Variants in SH3RF1 observed in about 807,000 individuals in gnomAD.
The protein encoded by SH3RF1 is SH3 domain containing ring finger 1.
In SH3RF1, 32 loss-of-function variants were observed where a neutral mutation model predicts 74.0. The ratio of observed to expected loss-of-function variants is 0.43; its 90% CI spans 0.33 to 0.58. The LOEUF (loss-of-function observed/expected upper bound fraction) is 0.58. SH3RF1 is among the 20% of genes least tolerant of loss of function. SH3RF1 has a pLI of 0.05. For synonymous variants in SH3RF1, 396 were observed against 439.6 expected, an observed-to-expected ratio of 0.90 and a Z score of 1.24; for missense variants, 954 against 1,130.9, an observed-to-expected ratio of 0.84 and a Z score of 2.24.
chr4:169,191,298 CA>C (rs35344441), intron 2 of SH3RF1, among the ~76,000 whole-genome samples: 377 of 113,224 alleles, frequency 3.3e-3, no homozygotes, highest in African/African-American at 0.011. Context: ...ACAATAGCTG[CA>C]AAAAAAAAAA....
At chr4:169,130,009 C>G (rs1315980290) in intron 6 of SH3RF1, 37 bp downstream of exon 6, 5 of 1,559,288 alleles carry the variant, frequency 3.2e-6, no homozygotes, top group Non-Finnish European at 4.4e-6. Flanking sequence ...GACTAAAGAC[C>G]TAAAAGAGAA....
chr4:169,248,994 G>A (rs966847534), intron 2 of SH3RF1, among the ~76,000 whole-genome samples: 3 of 152,218 alleles, frequency 2.0e-5, no homozygotes, highest in East Asian at 1.9e-4. Flanking sequence ...TTGGGAGGCC[G>A]AGGTGGGCAG....
At chr4:169,207,557 A>G (rs1579138223) in intron 2 of SH3RF1, among the ~76,000 whole-genome samples, 4 of 152,362 alleles carry the variant, frequency 2.6e-5, no homozygotes, top group East Asian at 1.9e-4. Flanking sequence ...CTGGCCTCTG[A>G]ATCAACAATA....
rs769430675 is a variant in SH3RF1 at position 169,106,881 on chromosome 4, C to T, written c.2464G>A (p.Val822Ile). 1.9e-6 allele frequency: 3 copies of T among 1,611,860 alleles called. No individual in the cohort carries two copies. The highest frequency in any genetic ancestry group is 2.5e-6 in the Non-Finnish European group (3 of 1,179,164). ...ACGACAGGTCTAGACTCATTCAAGACAGGACCCAGGGAGGAACAGGCCTGG... is the reference window on the plus strand; with the variant it reads ...ACGACAGGTCTAGACTCATTCAAGATAGGACCCAGGGAGGAACAGGCCTGG... ...PRQACSSLGP[V>I]LNESRPVVCE... Residue 822 changes from valine to isoleucine, a missense_variant, in exon 11 of 12, where the codon GTC becomes ATC. Val to Ile is a conservative substitution (Grantham distance 29). Coordinates refer to ENST00000284637, the MANE Select transcript of SH3RF1 (RefSeq NM_020870.4).
At chr4:169,214,886 G>A (rs906087125) in intron 2 of SH3RF1, among the ~76,000 whole-genome samples, 59 of 152,046 alleles carry the variant, frequency 3.9e-4, no homozygotes, top group African/African-American at 1.2e-3. Context: ...GATTTTCTAC[G>A]TATATTATCA....
chr4:169,211,235 C>A (rs763680824), intron 2 of SH3RF1, among the ~76,000 whole-genome samples: 1 of 151,942 alleles, frequency 6.6e-6, no homozygotes, highest in Non-Finnish European at 1.5e-5. Flanking sequence ...GTAATCCCAG[C>A]ACTTTGGGAG....
chr4:169,197,634 A>AAAAAGCCC (rs1561050689), intron 2 of SH3RF1, among the ~76,000 whole-genome samples: 2 of 151,410 alleles, frequency 1.3e-5, no homozygotes, highest in Admixed American at 6.6e-5. Flanking sequence ...CAAAAAAAAA[A>AAAAAGCCC]AAAAAGCCCA....
Position 169,156,536 on chromosome 4 carries a change from G to A in SH3RF1, c.537C>T (p.Ile179=). 2 of 1,614,086 alleles carry A rather than the reference G, an allele frequency of 1.2e-6. No individual in the cohort carries two copies. The highest frequency in any genetic ancestry group is 2.2e-5 in the East Asian group (1 of 44,880). The change falls in exon 3 of 12, where the codon ATC becomes ATT. Residue 179 remains isoleucine (I), a synonymous_variant. Transcript: ENST00000284637. ...CAAAGTTGGTGGGGAAAAAGCCATG[G>A]ATTCCATTGACTTCCCCATGGTACC... ...ENWYHGEVNG[I]HGFFPTNFVQ...
intron 2 of SH3RF1, among the ~76,000 whole-genome samples, chr4:169,163,109 A>G (rs1734177328): frequency 6.6e-6 from 1 of 152,158 alleles, no homozygotes; most frequent in African/African-American, 2.4e-5. Context: ...AGAGAAAAAA[A>G]AAAACAAACT....
At chr4:169,139,938 T>G (rs1733757486) in intron 4 of SH3RF1, among the ~76,000 whole-genome samples, 2 of 152,236 alleles carry the variant, frequency 1.3e-5, no homozygotes, top group Non-Finnish European at 2.9e-5. Flanking sequence ...TCACTTTAAA[T>G]GGACAAGTTT....
chr4:169,136,585 A>G lies in SH3RF1; in HGVS notation c.801T>C (p.Asp267=). 6.4e-7 allele frequency: 1 copy of G among 1,562,602 alleles called. No homozygotes were observed. Reference sequence around the variant, plus strand: ...CATCAACTCCTGGCACAGGAGGCTTATCCCATTCTATCAGCTGCTTAGCAG... The same window carrying G: ...CATCAACTCCTGGCACAGGAGGCTTGTCCCATTCTATCAGCTGCTTAGCAG... ...NSAAKQLIEW[D]KPPVPGVDAG... The change falls in exon 5 of 12, where the codon GAT becomes GAC. Residue 267 remains aspartate (D), a synonymous_variant. Coordinates refer to ENST00000284637, the MANE Select transcript of SH3RF1 (RefSeq NM_020870.4).
chr4:169,136,187 G>T, intron 5 of SH3RF1, 131 bp downstream of exon 5: 1 of 985,412 alleles, frequency 1.0e-6, no homozygotes, highest in Non-Finnish European at 1.4e-6. Context: ...GACAGGTTTT[G>T]CTTCCCAGAA....
intron 5 of SH3RF1, among the ~76,000 whole-genome samples, chr4:169,132,459 T>A (rs1478599404): frequency 6.6e-6 from 1 of 152,098 alleles, no homozygotes; most frequent in Admixed American, 6.5e-5. Flanking sequence ...ACCCCTTCAA[T>A]ACAGGGCTTT....
At chr4:169,150,528 A>G (rs554283731) in intron 4 of SH3RF1, among the ~76,000 whole-genome samples, 1 of 152,302 alleles carries the variant, frequency 6.6e-6, no homozygotes, top group South Asian at 2.1e-4. Flanking sequence ...ATTTTTCAAG[A>G]ATACAATAAT....
At chr4:169,184,281 A>G (rs1734567797) in intron 2 of SH3RF1, among the ~76,000 whole-genome samples, 1 of 152,180 alleles carries the variant, frequency 6.6e-6, no homozygotes, top group South Asian at 2.1e-4. Context: ...TTTCACCTCT[A>G]AATTTTAAGG....
chr4:169,269,222 CT>C lies in SH3RF1; in HGVS notation c.-11del. 6.5e-7 allele frequency: 1 copy of C among 1,546,318 alleles called. No individual in the cohort carries two copies. On this transcript the variant is annotated 5_prime_UTR_variant, in exon 2 of 12. It removes the in-frame stop codon of an upstream open reading frame in the 5' UTR. Coordinates refer to ENST00000284637, the MANE Select transcript of SH3RF1 (RefSeq NM_020870.4). ...AGGCTGATTCATCCATCTTTATCTA[CT>C]TTACTGAGAAAAAATCTTCAGAAAT...
At chr4:169,205,319 CAT>C (rs2126992707) in intron 2 of SH3RF1, among the ~76,000 whole-genome samples, 1 of 152,286 alleles carries the variant, frequency 6.6e-6, no homozygotes, top group South Asian at 2.1e-4. Flanking sequence ...ATTAACACCA[CAT>C]GTGTATGTCT....
intron 2 of SH3RF1, among the ~76,000 whole-genome samples, chr4:169,216,729 C>T (rs941655553): frequency 6.6e-6 from 1 of 152,100 alleles, no homozygotes; most frequent in African/African-American, 2.4e-5. Context: ...TAATTGTCTT[C>T]AGTATTTTTC....
At chr4:169,102,778 A>G (rs928889923) in intron 11 of SH3RF1, among the ~76,000 whole-genome samples, 3 of 152,048 alleles carry the variant, frequency 2.0e-5, no homozygotes, top group African/African-American at 4.8e-5. Context: ...TTTTGTTCCT[A>G]AGAGAATTCT....
Sources: gnomAD v4.1 joint callset for allele counts (sites outside exome capture counted in the v4.1 genomes callset) on GRCh38, gnomAD v4.1.1 for gene constraint, MANE v1.5 for transcripts, NCBI Gene and HGNC (gene_info 2026-07-23, HGNC 2026-07-21) for gene names.